Variants in LDLRAP1 observed in about 807,000 individuals in gnomAD.
LDLRAP1 encodes low density lipoprotein receptor adapter protein 1.
In LDLRAP1, 30 loss-of-function variants were observed where a neutral mutation model predicts 37.8. The observed-to-expected ratio is 0.79, with a 90% confidence interval of 0.59 to 1.08. The LOEUF is 1.08. Among genes scored for constraint, LDLRAP1 ranks in the 50% least tolerant of loss-of-function variants. The probability of loss-of-function intolerance (pLI) is 0.00; values close to 1 mark genes in which losing one functional copy is unlikely to be tolerated. For synonymous variants in LDLRAP1, 156 were observed against 169.8 expected (o/e 0.92, Z 0.63); for missense variants, 375 against 401.6 (o/e 0.93, Z 0.57).
At chr1:25,546,590 G>T (rs1446439449) in intron 1 of LDLRAP1, among the ~76,000 whole-genome samples, 1 of 152,036 alleles carries the variant, frequency 6.6e-6, no homozygotes, top group African/African-American at 2.4e-5. Context: ...GGCTCACCTT[G>T]GCCCCTCAGC....
At chr1:25,584,682 A>G in the LDLRAP1 span, among the ~76,000 whole-genome samples, 1 of 152,106 alleles carries the variant, frequency 6.6e-6, no homozygotes, top group Non-Finnish European at 1.5e-5. Context: ...CATATCCCTG[A>G]AGAATCCCTT....
At chr1:25,553,623 G>A (rs1301454426) in intron 1 of LDLRAP1, 10 of 410,610 alleles carry the variant, frequency 2.4e-5, no homozygotes, top group African/African-American at 4.1e-5. Context: ...AGGCTGAGGC[G>A]GGCAGATCAC....
At chr1:25,558,516 TTG>T (rs1218323531) in intron 4 of LDLRAP1, among the ~76,000 whole-genome samples, 2 of 152,108 alleles carry the variant, frequency 1.3e-5, no homozygotes, top group African/African-American at 2.4e-5. Context: ...GTCGGCAGGA[TTG>T]TGTTTTTTTC....
intron 4 of LDLRAP1, among the ~76,000 whole-genome samples, chr1:25,562,146 GA>G (rs2044357307): frequency 6.6e-6 from 1 of 152,188 alleles, no homozygotes; most frequent in Non-Finnish European, 1.5e-5. Flanking sequence ...GTCCCAACCG[GA>G]ACCTAACTTT....
intron 4 of LDLRAP1, among the ~76,000 whole-genome samples, chr1:25,558,105 G>C (rs931633379): frequency 6.6e-6 from 1 of 152,126 alleles, no homozygotes; most frequent in African/African-American, 2.4e-5. Context: ...CTGAATTTGG[G>C]GGCAAGAAGT....
intron 4 of LDLRAP1, among the ~76,000 whole-genome samples, chr1:25,558,583 T>C (rs2044266439): frequency 6.6e-6 from 1 of 152,150 alleles, no homozygotes. Flanking sequence ...CAGAGACTGA[T>C]CACCTGCATT....
intron 3 of LDLRAP1, among the ~76,000 whole-genome samples, 186 bp from the exon 4 acceptor site, chr1:25,556,967 C>T (rs1254026452): frequency 6.6e-6 from 1 of 152,154 alleles, no homozygotes; most frequent in Non-Finnish European, 1.5e-5. Flanking sequence ...CCTGCCTGGC[C>T]TGGGCCCCTC....
rs1420814712 is a variant in LDLRAP1, at chr1:25,543,766, G to C, written c.68G>C (p.Gly23Ala). ...CCCAGCTTGGCCAAGCAGAGCTGGG[G>C]GGGCGGTGGCCGGCACCGCAGTGAG... ...RSPSLAKQSW[G>A]GGGRHRKLPE... The change falls in exon 1 of 9, where the codon GGG becomes GCG. Residue 23 changes from glycine (G) to alanine (A), a missense_variant. Physicochemically the swap from Gly to Ala is moderately conservative, Grantham distance 60. Transcript: ENST00000374338. 3.3e-6 allele frequency: 4 copies of C among 1,209,804 alleles called. No homozygotes were observed. The highest frequency in any genetic ancestry group is 4.1e-6 in the Non-Finnish European group (4 of 973,698). The allele number at this position is 1,209,804 out of a possible 1,614,324, so 74.9% of individuals were successfully genotyped here.
chr1:25,546,745 T>C (rs2043943107), intron 1 of LDLRAP1, among the ~76,000 whole-genome samples: 1 of 152,182 alleles, frequency 6.6e-6, no homozygotes, highest in African/African-American at 2.4e-5. Flanking sequence ...GAGGATATAA[T>C]CATATTTATA....
intron 4 of LDLRAP1, among the ~76,000 whole-genome samples, chr1:25,558,925 G>T (rs747064586): frequency 2.0e-5 from 3 of 152,160 alleles, no homozygotes; most frequent in Non-Finnish European, 4.4e-5. Flanking sequence ...CGGTCTCCTG[G>T]CTGATTTGCT....
At chr1:25,584,766 C>T in the LDLRAP1 span, among the ~76,000 whole-genome samples, 404 of 152,326 alleles carry the variant, frequency 2.7e-3, 1 homozygote, top group Non-Finnish European at 4.5e-3. Flanking sequence ...GAGGGAGCAT[C>T]TGGCCCTATG....
chr1:25,586,539 TG>T, the LDLRAP1 span, among the ~76,000 whole-genome samples: 1 of 151,504 alleles, frequency 6.6e-6, no homozygotes, highest in Non-Finnish European at 1.5e-5. This position sits in a 1 kb window ranked among gnomAD's most constrained non-coding sequence, Gnocchi z 4.3. Flanking sequence ...TGTGTGCGTA[TG>T]TGTGCATGTG....
At position 25,566,841 on chromosome 1, in the gene LDLRAP1, C is replaced by A; in HGVS notation, c.783-7C>A. 2 of 1,606,626 alleles carry A rather than the reference C, an allele frequency of 1.2e-6. No individual in the cohort carries two copies. The highest frequency in any genetic ancestry group is 1.1e-5 in the South Asian group (1 of 89,640). On this transcript the variant is annotated splice_region_variant and splice_polypyrimidine_tract_variant and intron_variant, in intron 8 of 8. Coordinates refer to ENST00000374338, the MANE Select transcript of LDLRAP1 (RefSeq NM_015627.3). ...AGGCTCTCGGCTCACACAGCTCTGCCTTCCAGGCTTGCCCAGTCTCGGACA... is the reference window on the plus strand; with the variant it reads ...AGGCTCTCGGCTCACACAGCTCTGCATTCCAGGCTTGCCCAGTCTCGGACA...
chr1:25,580,300 C>T, the LDLRAP1 span, among the ~76,000 whole-genome samples: 1 of 152,124 alleles, frequency 6.6e-6, no homozygotes, highest in African/African-American at 2.4e-5. Flanking sequence ...ACAGTGGCTC[C>T]TGCCTGTAAT....
chr1:25,581,627 G>T, the LDLRAP1 span: 1 of 152,382 alleles, frequency 6.6e-6, no homozygotes, highest in South Asian at 2.1e-4. Flanking sequence ...CAAAGGCTGC[G>T]CAGATTTGAG....
the LDLRAP1 span, among the ~76,000 whole-genome samples, chr1:25,587,564 C>T: frequency 6.6e-6 from 1 of 152,224 alleles, no homozygotes; most frequent in African/African-American, 2.4e-5. Flanking sequence ...AACCTCAAAC[C>T]TAGCCCAAAT....
chr1:25,563,216 G>T, intron 6 of LDLRAP1, 63 bp downstream of exon 6: 2 of 1,422,114 alleles, frequency 1.4e-6, no homozygotes, highest in Non-Finnish European at 2.0e-6. Context: ...CACCCAGGGG[G>T]GTCCCACTCC....
At chr1:25,566,705 G>T in intron 8 of LDLRAP1, 143 bp from the exon 9 acceptor site, 1 of 972,928 alleles carries the variant, frequency 1.0e-6, no homozygotes, top group South Asian at 1.5e-5. Flanking sequence ...GCTTTGATCT[G>T]AGGTTACTCC....
chr1:25,565,236 G>T (rs537555777), intron 8 of LDLRAP1, 29 bp downstream of exon 8: 1 of 1,613,816 alleles, frequency 6.2e-7, no homozygotes, highest in South Asian at 1.1e-5. Flanking sequence ...GCTGGGTAGG[G>T]GGCCTGGTGT....
Sources: gnomAD v4.1 joint callset for allele counts (sites outside exome capture counted in the v4.1 genomes callset) on GRCh38, gnomAD v4.1.1 for gene constraint, Gnocchi (gnomAD v3.1) non-coding constraint, MANE v1.5 for transcripts, NCBI Gene and HGNC (gene_info 2026-07-23, HGNC 2026-07-21) for gene names.